TMEM272: variants seen among roughly 807,000 people sequenced by gnomAD.
The protein encoded by TMEM272 is long intergenic non-protein coding RNA 282.
TMEM272 carries 8 observed loss-of-function variants against 3.7 expected under a neutral mutation model. The ratio of observed to expected loss-of-function variants is 2.17; its 90% CI spans 1.27 to 3.91. The LOEUF is 3.91. Among genes scored for constraint, TMEM272 ranks in the 30% most tolerant of loss-of-function variants. The pLI is 0.00. For synonymous variants in TMEM272, 63 were observed against 39.8 expected, an observed-to-expected ratio of 1.58 and a Z score of -2.20; for missense variants, 166 against 91.5, an observed-to-expected ratio of 1.81 and a Z score of -3.32.
chr13:51,835,121 C>G lies in TMEM272; in HGVS notation c.58+3352G>C, dbSNP rs576481875. Among the ~76,000 whole-genome samples, 23 of 152,324 alleles carry G rather than the reference C, an allele frequency of 1.5e-4. No homozygotes were observed. In the South Asian group the frequency reaches 4.8e-3, roughly 32 times the overall value. On this transcript the variant is annotated intron_variant, in intron 2 of 4. Coordinates refer to ENST00000629372, the MANE Select transcript of TMEM272 (RefSeq NM_001351003.2). ...CAAGCTACTCCTCTGAGGCCGCCAC[C>G]ACTTAGCAGCTCCACATGTGGATAG...
chr13:51,865,688 G>A, the TMEM272 span: 1 of 1,614,056 alleles, frequency 6.2e-7, no homozygotes, highest in African/African-American at 1.3e-5. Context: ...CTGGAAAGAG[G>A]AAAAATCCTT....
chr13:51,857,566 A>T, the TMEM272 span, among the ~76,000 whole-genome samples: 2 of 152,178 alleles, frequency 1.3e-5, no homozygotes, highest in Non-Finnish European at 2.9e-5. Flanking sequence ...AGTAAAGATA[A>T]AAATCCATTA....
chr13:51,836,091 A>G (rs886372118), intron 2 of TMEM272, among the ~76,000 whole-genome samples: 14 of 152,220 alleles, frequency 9.2e-5, no homozygotes, highest in Admixed American at 5.9e-4. Flanking sequence ...TCAATCCCCA[A>G]TGCAAACGTG....
intron 2 of TMEM272, among the ~76,000 whole-genome samples, chr13:51,832,532 C>A (rs946296755): frequency 3.3e-5 from 5 of 152,134 alleles, no homozygotes; most frequent in Non-Finnish European, 5.9e-5. Context: ...AAGAGAAACT[C>A]AAACTAAACT....
At chr13:51,859,541 C>T in the TMEM272 span, among the ~76,000 whole-genome samples, 1 of 150,930 alleles carries the variant, frequency 6.6e-6, no homozygotes, top group Non-Finnish European at 1.5e-5. Flanking sequence ...CACACACACA[C>T]ACACACAGAC....
upstream of TMEM272, among the ~76,000 whole-genome samples, chr13:51,849,005 A>G (rs2139599647): frequency 6.6e-6 from 1 of 152,246 alleles, no homozygotes; most frequent in African/African-American, 2.4e-5. Context: ...AATTTGGGAG[A>G]AAACCTTCAG....
In TMEM272 at chr13:51,816,899, T is replaced by C. The variant is rs1285314182; in HGVS notation, c.416A>G (p.Gln139Arg). ...TTTGTCACAGTAGTCCTGAGGCTGC[T>C]GGAAAGGGGGAAGAAAATCAGGCAG... ...VYLPDFLPPF[Q>R]QPQDYCDKTL... Residue 139 changes from glutamine (Q) to arginine (R), a missense_variant, in exon 5 of 5, where the codon CAG becomes CGG. Physicochemically the swap from Gln to Arg is conservative, Grantham distance 43. Transcript: ENST00000629372. The C allele has an allele frequency of 2.1e-5, 15 of 702,804 alleles. No individual in the cohort carries two copies. The highest frequency in any genetic ancestry group is 3.6e-5 in the Non-Finnish European group (14 of 384,976). The allele number at this position is 702,804 out of a possible 1,614,324, so 43.5% of individuals were successfully genotyped here. A position where few individuals can be genotyped will look rare whatever the true frequency, so the allele number is the denominator to read the frequency against.
the TMEM272 span, among the ~76,000 whole-genome samples, chr13:51,931,949 A>G: frequency 6.6e-6 from 1 of 152,204 alleles, no homozygotes; most frequent in Non-Finnish European, 1.5e-5. Context: ...TGCCACCAGC[A>G]TGTCTCTGGA....
At chr13:51,840,689 T>C (rs1370425950) in intron 1 of TMEM272, among the ~76,000 whole-genome samples, 7 of 152,262 alleles carry the variant, frequency 4.6e-5, no homozygotes, top group African/African-American at 1.7e-4. Flanking sequence ...CGCATGAGTC[T>C]GTCTCCCTGG....
At chr13:51,920,673 C>T in the TMEM272 span, among the ~76,000 whole-genome samples, 1 of 152,214 alleles carries the variant, frequency 6.6e-6, no homozygotes. Flanking sequence ...CCCCACCTCT[C>T]ATCACTGCCT....
At chr13:51,850,891 T>C in the TMEM272 span, among the ~76,000 whole-genome samples, 6 of 152,352 alleles carry the variant, frequency 3.9e-5, no homozygotes, top group African/African-American at 1.2e-4. Flanking sequence ...ATGACCAAGT[T>C]GAAGTTTCAA....
chr13:51,890,077 G>A, the TMEM272 span, among the ~76,000 whole-genome samples: 1 of 152,198 alleles, frequency 6.6e-6, no homozygotes, highest in Non-Finnish European at 1.5e-5. Flanking sequence ...TGGTGGCTGT[G>A]AGGGACCTCA....
At chr13:51,901,781 C>A in the TMEM272 span, among the ~76,000 whole-genome samples, 1 of 152,164 alleles carries the variant, frequency 6.6e-6, no homozygotes, top group South Asian at 2.1e-4. Flanking sequence ...CCCACAAACA[C>A]GTAGCCTCCT....
the TMEM272 span, among the ~76,000 whole-genome samples, chr13:51,890,402 T>G: frequency 6.6e-6 from 1 of 152,092 alleles, no homozygotes; most frequent in Non-Finnish European, 1.5e-5. Flanking sequence ...CTCCCTCCCC[T>G]TTCTCCCTCT....
the TMEM272 span, among the ~76,000 whole-genome samples, chr13:51,915,721 T>C: frequency 6.4e-3 from 974 of 152,318 alleles, 11 homozygotes; most frequent in African/African-American, 0.022. Flanking sequence ...ATCATCTGAA[T>C]AGATCTCACT....
the TMEM272 span, among the ~76,000 whole-genome samples, chr13:51,875,114 T>C: frequency 6.6e-6 from 1 of 152,248 alleles, no homozygotes; most frequent in African/African-American, 2.4e-5. Flanking sequence ...GTTGCTCATG[T>C]TGGTTGAGAG....
At chr13:51,865,643 G>A in the TMEM272 span, 64 of 1,614,084 alleles carry the variant, frequency 4.0e-5, no homozygotes, top group Middle Eastern at 1.6e-4. Flanking sequence ...TTTTTGGGAA[G>A]AGGAGAGACC....
Position 51,816,802 on chromosome 13 carries a change from G to A in TMEM272, c.513C>T (p.Ser171=), listed in dbSNP as rs546214265. The A allele has an allele frequency of 2.2e-4, 158 of 702,952 alleles. No homozygotes were observed. The highest frequency in any genetic ancestry group is 4.6e-4 in the Middle Eastern group (2 of 4,368). 43.5% of individuals were successfully genotyped at this position (702,952 alleles called of 1,614,324 possible). ...HTVLVLLLLC[S]GCVYLCSRWR... ...ACCTGGAGCACAGGTAGACACAGCC[G>A]CTGCACAGCAGGAGCAAGACCAGCA... Residue 171 remains serine (S), a synonymous_variant, in exon 5 of 5, where the codon AGC becomes AGT. Transcript: ENST00000629372.
chr13:51,827,136 A>G (rs1032785804), intron 2 of TMEM272, among the ~76,000 whole-genome samples: 1 of 152,224 alleles, frequency 6.6e-6, no homozygotes. Context: ...ACAGCCCATG[A>G]CATTAGATGG....
Sources: gnomAD v4.1 joint callset for allele counts (sites outside exome capture counted in the v4.1 genomes callset) on GRCh38, gnomAD v4.1.1 for gene constraint, MANE v1.5 for transcripts, NCBI Gene and HGNC (gene_info 2026-07-23, HGNC 2026-07-21) for gene names.